Variants in H2BN1 observed in about 807,000 individuals in gnomAD.
H2BN1 encodes histone H2B.N.
At chr17:32,901,018 G>T in the H2BN1 span, among the ~76,000 whole-genome samples, 1 of 152,048 alleles carries the variant, frequency 6.6e-6, no homozygotes, top group African/African-American at 2.4e-5. Flanking sequence ...GACCAGCCTG[G>T]CCAACATGGT....
chr17:32,905,514 TTG>T, the H2BN1 span: 67 of 148,646 alleles, frequency 4.5e-4, no homozygotes, highest in East Asian at 9.8e-4. Flanking sequence ...GTGTGTGTGG[TTG>T]TGTGTGTGTG....
the H2BN1 span, among the ~76,000 whole-genome samples, chr17:32,901,368 T>C: frequency 6.6e-6 from 1 of 152,228 alleles, no homozygotes; most frequent in Non-Finnish European, 1.5e-5. Context: ...ATATTAATTA[T>C]TAATTTATAG....
At chr17:32,902,616 G>A in the H2BN1 span, among the ~76,000 whole-genome samples, 70 of 152,178 alleles carry the variant, frequency 4.6e-4, no homozygotes, top group Middle Eastern at 6.8e-3. Context: ...CGAGGCAGGC[G>A]GATCACAAGG....
the H2BN1 span, among the ~76,000 whole-genome samples, chr17:32,902,386 A>G: frequency 2.6e-5 from 4 of 152,204 alleles, no homozygotes; most frequent in Admixed American, 2.6e-4. Flanking sequence ...GGAGGAATTT[A>G]TAGTTTAGCT....
the H2BN1 span, among the ~76,000 whole-genome samples, chr17:32,901,317 C>A: frequency 1.3e-5 from 2 of 151,996 alleles, no homozygotes; most frequent in Non-Finnish European, 2.9e-5. Context: ...GTTAATCTGA[C>A]ATAGGGGCTT....
At chr17:32,895,585 C>T in the H2BN1 span, among the ~76,000 whole-genome samples, 4 of 152,150 alleles carry the variant, frequency 2.6e-5, no homozygotes, top group Non-Finnish European at 5.9e-5. Flanking sequence ...ATTTTAGTTA[C>T]ATGGGGAAAA....
At chr17:32,903,384 G>A in the H2BN1 span, among the ~76,000 whole-genome samples, 2 of 151,922 alleles carry the variant, frequency 1.3e-5, no homozygotes, top group African/African-American at 2.4e-5. Context: ...GAAACAACTC[G>A]GGTAAAAATC....
At chr17:32,904,912 G>C in the H2BN1 span, among the ~76,000 whole-genome samples, 4 of 152,022 alleles carry the variant, frequency 2.6e-5, no homozygotes, top group Non-Finnish European at 5.9e-5. Flanking sequence ...ATGTAAAGCT[G>C]GTCAAATCTG....
the H2BN1 span, among the ~76,000 whole-genome samples, chr17:32,895,853 C>T: frequency 8.5e-5 from 13 of 152,320 alleles, no homozygotes; most frequent in Non-Finnish European, 1.3e-4. Flanking sequence ...ATGTCTCTCT[C>T]GCTCTCGTAT....
At chr17:32,906,390 A>G in the H2BN1 span, 1 of 152,324 alleles carries the variant, frequency 6.6e-6, no homozygotes, top group East Asian at 1.9e-4. Context: ...GAAGTTGTTC[A>G]GAATGGCCTT....
the H2BN1 span, among the ~76,000 whole-genome samples, chr17:32,903,626 A>G: frequency 2.2e-3 from 332 of 152,332 alleles, 2 homozygotes; most frequent in African/African-American, 7.6e-3. Context: ...ATCTGAAGAG[A>G]AAAATAACAG....
At chr17:32,904,942 AAAC>A in the H2BN1 span, among the ~76,000 whole-genome samples, 21 of 152,342 alleles carry the variant, frequency 1.4e-4, no homozygotes, top group Admixed American at 8.5e-4. Flanking sequence ...AGACCGGAAC[AAAC>A]AACAACAACA....
chr17:32,902,101 G>T, the H2BN1 span, among the ~76,000 whole-genome samples: 4 of 144,284 alleles, frequency 2.8e-5, no homozygotes, highest in African/African-American at 2.6e-5. Flanking sequence ...TTCTCTTTAC[G>T]CTTTCTTACC....
the H2BN1 span, among the ~76,000 whole-genome samples, chr17:32,896,421 C>G: frequency 6.6e-6 from 1 of 152,118 alleles, no homozygotes; most frequent in African/African-American, 2.4e-5. Flanking sequence ...TGGTAGAAAA[C>G]AATCAGGAAA....
At chr17:32,906,173 G>T in the H2BN1 span, 1 of 152,164 alleles carries the variant, frequency 6.6e-6, no homozygotes, top group South Asian at 2.1e-4. Context: ...TCTCACCTCT[G>T]TGCCATTTCT....
the H2BN1 span, among the ~76,000 whole-genome samples, chr17:32,896,170 CCTCCCA>C: frequency 1.3e-5 from 2 of 152,144 alleles, no homozygotes; most frequent in African/African-American, 4.8e-5. Context: ...CCTATGTTGG[CCTCCCA>C]AAGTGTTGGA....
the H2BN1 span, among the ~76,000 whole-genome samples, chr17:32,902,786 G>C: frequency 6.6e-6 from 1 of 151,876 alleles, no homozygotes; most frequent in Non-Finnish European, 1.5e-5. Context: ...CTTGCAGTGA[G>C]CCGGGATTGC....
the H2BN1 span, among the ~76,000 whole-genome samples, chr17:32,904,122 G>C: frequency 6.6e-6 from 1 of 152,092 alleles, no homozygotes; most frequent in Non-Finnish European, 1.5e-5. Context: ...TGTATGTCAT[G>C]GGGGTCAACC....
the H2BN1 span, among the ~76,000 whole-genome samples, chr17:32,902,123 A>AC: frequency 6.6e-6 from 1 of 152,002 alleles, no homozygotes; most frequent in Non-Finnish European, 1.5e-5. Flanking sequence ...AAAAAAAAAA[A>AC]AACCTCTTTA....
Sources: allele counts gnomAD v4.1 joint callset (sites outside exome capture counted in the v4.1 genomes callset), GRCh38; gene constraint gnomAD v4.1.1; transcripts MANE v1.5; gene names NCBI Gene and HGNC (gene_info 2026-07-23, HGNC 2026-07-21).